SLCO1C1: variants seen among roughly 807,000 people sequenced by gnomAD.
SLCO1C1 encodes solute carrier organic anion transporter family member 1C1, also known as OAT-RP-5.
SLCO1C1 carries 70 observed loss-of-function variants against 76.4 expected under a neutral mutation model. The observed-to-expected ratio is 0.92, with a 90% CI of 0.76 to 1.12. The LOEUF (loss-of-function observed/expected upper bound fraction) is 1.12. SLCO1C1 is among the 50% of genes most tolerant of loss of function. SLCO1C1 has a pLI of 0.00. For synonymous variants in SLCO1C1, 306 were observed against 286.1 expected (o/e 1.07, Z -0.70); for missense variants, 912 against 823.8 (o/e 1.11, Z -1.31).
Position 20,705,963 on chromosome 12 carries a change from A to G in SLCO1C1, c.286A>G (p.Ile96Val), listed in dbSNP as rs759047567. The G allele has an allele frequency of 3.1e-6, 5 of 1,613,030 alleles. No individual in the cohort carries two copies. The South Asian group carries it at 5.5e-5, about 18-fold the overall frequency. ...GSFEIGNLLV[I>V]TFVSYFGAKL... ...TTTCCTCAAAGGGAATCTCTTAGTTATAACATTTGTTAGCTACTTTGGAGC... is the reference window on the plus strand; with the variant it reads ...TTTCCTCAAAGGGAATCTCTTAGTTGTAACATTTGTTAGCTACTTTGGAGC... Residue 96 changes from isoleucine (I) to valine (V), a missense_variant, in exon 4 of 15, where the codon ATA (isoleucine) becomes GTA (valine). Transcript: ENST00000266509.
At chr12:20,743,207 TA>T in intron 12 of SLCO1C1, 97 bp from the exon 13 acceptor site, 1 of 1,170,176 alleles carries the variant, frequency 8.5e-7, no homozygotes, top group Non-Finnish European at 1.2e-6. Context: ...ACTTGAATTC[TA>T]ACATGATTTC....
chr12:20,740,781 TTTTA>T (rs1185649774), intron 12 of SLCO1C1, among the ~76,000 whole-genome samples: 11 of 16,802 alleles, frequency 6.5e-4, no homozygotes, highest in South Asian at 3.3e-3. Context: ...TTAGAATTTA[TTTTA>T]TTTATATATA....
At chr12:20,697,896 C>T (rs1378172454) in intron 1 of SLCO1C1, among the ~76,000 whole-genome samples, 1 of 152,002 alleles carries the variant, frequency 6.6e-6, no homozygotes, top group Non-Finnish European at 1.5e-5. Flanking sequence ...CTAATGGAGA[C>T]AATGATTATC....
chr12:20,706,668 G>A (rs1275902345), intron 4 of SLCO1C1, among the ~76,000 whole-genome samples: 2 of 152,070 alleles, frequency 1.3e-5, no homozygotes, highest in African/African-American at 2.4e-5. Context: ...CAACCTGTGG[G>A]GTAGAAGAAC....
rs546526545 is a variant in SLCO1C1, at chr12:20,719,577, A to C, written c.776-2227A>C. On this transcript the variant is annotated intron_variant, in intron 7 of 14. Transcript: ENST00000266509. ...AACACATGAAAGATAAGAAAGTGAAATAGCCTTATTGAGATAAAGTTTTAG... is the reference window on the plus strand; with the variant it reads ...AACACATGAAAGATAAGAAAGTGAACTAGCCTTATTGAGATAAAGTTTTAG... Among the ~76,000 whole-genome samples, 6 of 152,316 alleles carry C rather than the reference A, an allele frequency of 3.9e-5. No homozygotes were observed. The South Asian group carries it at 1.2e-3, about 32-fold the overall frequency.
intron 13 of SLCO1C1, among the ~76,000 whole-genome samples, chr12:20,747,517 G>T (rs992439249): frequency 6.6e-6 from 1 of 152,030 alleles, no homozygotes; most frequent in East Asian, 1.9e-4. Context: ...GTACATGAGG[G>T]TTAATTATAT....
chr12:20,733,623 A>G (rs768277397), intron 10 of SLCO1C1, among the ~76,000 whole-genome samples: 2 of 152,198 alleles, frequency 1.3e-5, no homozygotes, highest in African/African-American at 2.4e-5. Context: ...AACTGGAGTT[A>G]CCTCTTTGCA....
intron 12 of SLCO1C1, 133 bp downstream of exon 12, chr12:20,740,501 A>T: frequency 2.7e-6 from 2 of 752,578 alleles, no homozygotes; most frequent in Non-Finnish European, 4.2e-6. Flanking sequence ...TCCTTGTTTC[A>T]CTTTTATATA....
chr12:20,720,579 T>C (rs989950595), intron 7 of SLCO1C1, among the ~76,000 whole-genome samples: 4 of 152,244 alleles, frequency 2.6e-5, no homozygotes, highest in Non-Finnish European at 5.9e-5. Context: ...TCAGCCCTCC[T>C]GGATGACTTT....
chr12:20,711,361 T>C (rs745602743), intron 4 of SLCO1C1, 25 bp from the exon 5 acceptor site: 7 of 1,607,356 alleles, frequency 4.4e-6, no homozygotes, highest in Non-Finnish European at 5.9e-6. Flanking sequence ...GAGTCTATCA[T>C]GAAGAAAACA....
At chr12:20,700,575 T>G (rs59508686) in intron 2 of SLCO1C1, among the ~76,000 whole-genome samples, 14,916 of 151,856 alleles carry the variant, frequency 0.098, 1,713 homozygotes, top group African/African-American at 0.28. Context: ...ATTAGGTATA[T>G]CTCCTAATGC....
chr12:20,707,851 G>A (rs974260734), intron 4 of SLCO1C1, among the ~76,000 whole-genome samples: 3 of 152,026 alleles, frequency 2.0e-5, no homozygotes, highest in Admixed American at 1.3e-4. Context: ...AAAGAAGGTC[G>A]GACAACCAGA....
Position 20,706,046 on chromosome 12 carries a change from A to T in SLCO1C1, c.369A>T (p.Thr123=). 1 of 1,613,198 alleles carries T rather than the reference A, an allele frequency of 6.2e-7. No individual in the cohort carries two copies. The highest frequency in any genetic ancestry group is 1.1e-5 in the South Asian group (1 of 90,990). ...GAGCVIMGVG[T]LLIAMPQFFM... is the part of the protein sequence containing the mutation. ...GGTGTGTAATCATGGGAGTTGGAAC[A>T]CTGCTCATTGCAATGCCTCAGTTCT... Residue 123 remains threonine, a synonymous_variant, in exon 4 of 15, where the codon ACA becomes ACT. Coordinates refer to ENST00000266509, the MANE Select transcript of SLCO1C1 (RefSeq NM_017435.5).
Position 20,709,817 on chromosome 12 carries a change from C to T in SLCO1C1, c.405-1569C>T, listed in dbSNP as rs1473691176. ...AATGGCGTGAACCCGGGAAGCGGAG[C>T]TTGCAGTGAGCCGAGATTGCGCCAC... On this transcript the variant is annotated intron_variant, in intron 4 of 14. Transcript: ENST00000266509. 1.3e-4 allele frequency among the ~76,000 whole-genome samples: 3 copies of T among 23,606 alleles called. 1 individual carries two copies. Among genetic ancestry groups the T allele is most frequent in the African/African-American group, 3.7e-4 (3 of 8,024 alleles). 15.5% of individuals were successfully genotyped at this position (23,606 alleles called of 152,430 possible).
Position 20,752,327 on chromosome 12 carries a change from T to C in SLCO1C1, c.1938T>C (p.Thr646=). 6.2e-7 allele frequency: 1 copy of C among 1,602,866 alleles called. No individual in the cohort carries two copies. Among genetic ancestry groups the C allele is most frequent in the Non-Finnish European group, 8.5e-7 (1 of 1,173,394 alleles). ...NVFRHIYLGL[T]VILGTVSILL... ...CTAGACATATATATCTGGGACTAAC[T>C]GTGATACTGGGCACAGTGTCAATTC... The change falls in exon 15 of 15, where the codon ACT becomes ACC. Residue 646 remains threonine, a synonymous_variant. Transcript: ENST00000266509.
At chr12:20,699,917 C>G in intron 2 of SLCO1C1, 1 of 353,096 alleles carries the variant, frequency 2.8e-6, no homozygotes. Flanking sequence ...CATTTAAATG[C>G]CCCCCCAAAC....
chr12:20,720,200 A>T (rs1025713472), intron 7 of SLCO1C1, among the ~76,000 whole-genome samples: 8 of 151,714 alleles, frequency 5.3e-5, no homozygotes, highest in Non-Finnish European at 1.0e-4. Flanking sequence ...CTCAGGAAAA[A>T]AAATATATAT....
At chr12:20,746,221 C>T (rs1554145) in intron 13 of SLCO1C1, among the ~76,000 whole-genome samples, 2 of 151,516 alleles carry the variant, frequency 1.3e-5, no homozygotes, top group African/African-American at 4.8e-5. Flanking sequence ...TAGTAGCAAC[C>T]GTAGTAACAA....
At chr12:20,733,256 A>T in intron 10 of SLCO1C1, 152 bp downstream of exon 10, 1 of 684,828 alleles carries the variant, frequency 1.5e-6, no homozygotes, top group Non-Finnish European at 2.2e-6. Flanking sequence ...AATACCTAGA[A>T]TCTGTTATTG....
Sources: gnomAD v4.1 joint callset for allele counts (sites outside exome capture counted in the v4.1 genomes callset) on GRCh38, gnomAD v4.1.1 for gene constraint, MANE v1.5 for transcripts, NCBI Gene and HGNC (gene_info 2026-07-23, HGNC 2026-07-21) for gene names.